MSN: variants seen among roughly 807,000 people sequenced by gnomAD.
MSN encodes the protein epididymis luminal protein 70.
In MSN, 2 loss-of-function variants were observed where a neutral mutation model predicts 48.0. That is an observed-to-expected ratio of 0.04 (90% CI 0.02 to 0.13). MSN has a LOEUF of 0.13. MSN is among the 10% of genes least tolerant of loss of function. The pLI is 1.00. For synonymous variants in MSN, 146 were observed against 166.9 expected (o/e 0.87, Z 0.97); for missense variants, 267 against 470.1 (o/e 0.57, Z 3.99).
At chrX:65,598,311 GAC>G (rs1380860226) in intron 1 of MSN, among the ~76,000 whole-genome samples, 1 of 109,456 alleles carries the variant, frequency 9.1e-6, no homozygotes, top group African/African-American at 3.3e-5. Context: ...AGGAATTAGA[GAC>G]AGACAGAAAC....
At chrX:65,617,428 G>T (rs1376382043) in intron 1 of MSN, among the ~76,000 whole-genome samples, 31 of 105,237 alleles carry the variant, frequency 2.9e-4, no homozygotes, top group Non-Finnish European at 5.3e-4. Context: ...TCCTGGTTTA[G>T]TCTTGGGAGA....
intron 1 of MSN, among the ~76,000 whole-genome samples, chrX:65,656,581 T>C (rs966877048): frequency 9.0e-6 from 1 of 110,628 alleles, no homozygotes; most frequent in Non-Finnish European, 1.9e-5. Context: ...TGTGATCCCT[T>C]TATGGGAGCA....
intron 3 of MSN, among the ~76,000 whole-genome samples, chrX:65,728,333 G>T (rs913029747): frequency 2.7e-5 from 3 of 110,837 alleles, no homozygotes; most frequent in Non-Finnish European, 5.7e-5. Context: ...TCGCACTCTC[G>T]CCCAGGCTGG....
intron 1 of MSN, among the ~76,000 whole-genome samples, chrX:65,702,729 T>A (rs765095476): frequency 9.1e-6 from 1 of 109,895 alleles, no homozygotes; most frequent in East Asian, 2.9e-4. Context: ...TCTGAGGGAG[T>A]TTGGAGGTCC....
chrX:65,691,792 C>T (rs1054325737), intron 1 of MSN, among the ~76,000 whole-genome samples: 1 of 112,275 alleles, frequency 8.9e-6, no homozygotes, highest in African/African-American at 3.2e-5. Context: ...AGGCGTGAGC[C>T]ACTGTTCCCG....
At chrX:65,636,764 A>C (rs1243912864) in intron 1 of MSN, among the ~76,000 whole-genome samples, 1 of 101,149 alleles carries the variant, frequency 9.9e-6, no homozygotes, top group Non-Finnish European at 2.0e-5. Flanking sequence ...AAAAAAAAAA[A>C]AAAAAAAAAA....
intron 1 of MSN, among the ~76,000 whole-genome samples, chrX:65,604,192 C>T (rs1188287406): frequency 9.0e-6 from 1 of 111,713 alleles, no homozygotes; most frequent in Non-Finnish European, 1.9e-5. Context: ...GTTTTAGAAA[C>T]CAATGTCTTA....
intron 1 of MSN, among the ~76,000 whole-genome samples, chrX:65,669,657 A>G (rs920582764): frequency 9.0e-6 from 1 of 111,105 alleles, no homozygotes; most frequent in Non-Finnish European, 1.9e-5. Flanking sequence ...ACCTGAATCA[A>G]ATTGGAAGGA....
chrX:65,655,117 TGTTGAATGAATGAATAATAAAGTCAGATA>T (rs1242366707), intron 1 of MSN, among the ~76,000 whole-genome samples: 3 of 111,523 alleles, frequency 2.7e-5, no homozygotes, highest in East Asian at 2.8e-4. Flanking sequence ...CACAAAAAAT[TGTTGAATGAATGAATAATAAAGTCAGATA>T]GTTGAATGAA....
intron 1 of MSN, among the ~76,000 whole-genome samples, chrX:65,678,988 T>C (rs1485290848): frequency 1.8e-5 from 2 of 111,716 alleles, no homozygotes; most frequent in Non-Finnish European, 3.8e-5. Context: ...TAGAATGGCA[T>C]TGAGTGTGTC....
chrX:65,612,988 C>T (rs945303691), intron 1 of MSN, among the ~76,000 whole-genome samples: 48 of 110,906 alleles, frequency 4.3e-4, no homozygotes, highest in Non-Finnish European at 2.6e-4. Flanking sequence ...CCCATCAACT[C>T]GCCATCTACG....
chrX:65,676,977 G>T (rs888327079), intron 1 of MSN, among the ~76,000 whole-genome samples: 1 of 110,028 alleles, frequency 9.1e-6, no homozygotes, highest in Non-Finnish European at 1.9e-5. Context: ...GGTGTGCGCC[G>T]CCACGCCCGG....
intron 1 of MSN, among the ~76,000 whole-genome samples, chrX:65,713,804 T>C (rs1373218213): frequency 1.8e-5 from 2 of 111,553 alleles, no homozygotes; most frequent in Non-Finnish European, 3.8e-5. Context: ...TCTATGTGTC[T>C]GTGTGTTCTC....
intron 1 of MSN, 47 bp from the exon 2 acceptor site, chrX:65,716,771 G>A (rs888768611): frequency 2.8e-5 from 31 of 1,093,957 alleles, no homozygotes; most frequent in Non-Finnish European, 3.5e-5. Context: ...AGGCTCTGTT[G>A]AACACAGAGC....
chrX:65,670,295 G>A lies in MSN; in HGVS notation c.12+2442G>A, dbSNP rs191326378. 2.5e-4 allele frequency among the ~76,000 whole-genome samples: 28 copies of A among 112,103 alleles called. No homozygotes were observed. The East Asian group carries it at 6.4e-3, about 26-fold the overall frequency. On this transcript the variant is annotated intron_variant, in intron 1 of 12. Transcript: ENST00000360270. Reference sequence around the variant, plus strand: ...TTATGTGCTTTAGGCTATTTCTAGCGTGTGACAGATGGAGAAAGGTAGTGG... The same window carrying A: ...TTATGTGCTTTAGGCTATTTCTAGCATGTGACAGATGGAGAAAGGTAGTGG...
intron 1 of MSN, among the ~76,000 whole-genome samples, chrX:65,681,909 G>A (rs1220029835): frequency 9.0e-6 from 1 of 111,182 alleles, no homozygotes; most frequent in African/African-American, 3.3e-5. Flanking sequence ...TGCCCCTACA[G>A]CCAGTTTTTT....
intron 1 of MSN, among the ~76,000 whole-genome samples, chrX:65,656,377 C>T (rs2070781521): frequency 9.2e-6 from 1 of 109,253 alleles, no homozygotes; most frequent in Non-Finnish European, 1.9e-5. Flanking sequence ...AGTCTTGTCT[C>T]CTAACAGGAT....
At chrX:65,728,536 G>T (rs764485097) in intron 3 of MSN, among the ~76,000 whole-genome samples, 1 of 110,225 alleles carries the variant, frequency 9.1e-6, no homozygotes, top group Non-Finnish European at 1.9e-5. Flanking sequence ...CTTGTGATCC[G>T]CCCGCCTCGG....
At chrX:65,673,693 T>A (rs763932659) in intron 1 of MSN, among the ~76,000 whole-genome samples, 2 of 111,967 alleles carry the variant, frequency 1.8e-5, no homozygotes, top group African/African-American at 3.3e-5. Flanking sequence ...GCCTTAAGCT[T>A]TCCTTTAGCT....
Sources: allele counts gnomAD v4.1 joint callset (sites outside exome capture counted in the v4.1 genomes callset), GRCh38; gene constraint gnomAD v4.1.1; transcripts MANE v1.5; gene names NCBI Gene and HGNC (gene_info 2026-07-23, HGNC 2026-07-21).